The following PDE10A variants were observed in gnomAD, a reference collection of about 807,000 sequenced individuals.
The protein encoded by PDE10A is cAMP and cAMP-inhibited cGMP 3',5'-cyclic phosphodiesterase 10A.
Under a neutral mutation model 97.7 loss-of-function variants are expected in PDE10A, and 39 were observed. The observed-to-expected ratio is 0.40, with a 90% CI of 0.31 to 0.52. PDE10A has a LOEUF of 0.52. PDE10A is among the 20% of genes least tolerant of loss of function. PDE10A has a pLI of 0.56. For missense variants in PDE10A, 731 were observed against 1,047.8 expected, an observed-to-expected ratio of 0.70 and a Z score of 4.17; for synonymous variants, 371 against 376.8, an observed-to-expected ratio of 0.98 and a Z score of 0.18.
At chr6:165,468,585 T>C (rs1778800983) in intron 3 of PDE10A, among the ~76,000 whole-genome samples, 1 of 152,204 alleles carries the variant, frequency 6.6e-6, no homozygotes, top group South Asian at 2.1e-4. Context: ...TATGATTATA[T>C]GTAAGGTTTT....
At chr6:165,895,813 G>A (rs930524776) in intron 1 of PDE10A, among the ~76,000 whole-genome samples, 2 of 152,098 alleles carry the variant, frequency 1.3e-5, no homozygotes, top group African/African-American at 2.4e-5. Context: ...TTTCATTCCG[G>A]GCTCCCCAGT....
chr6:165,972,223 G>T (rs1219808889), intron 1 of PDE10A, among the ~76,000 whole-genome samples: 1 of 152,168 alleles, frequency 6.6e-6, no homozygotes, highest in Non-Finnish European at 1.5e-5. Flanking sequence ...TGTGGTAGAA[G>T]GTGGGGAACA....
At chr6:165,837,227 A>T (rs1344451201) in intron 1 of PDE10A, among the ~76,000 whole-genome samples, 3 of 152,216 alleles carry the variant, frequency 2.0e-5, no homozygotes, top group Non-Finnish European at 4.4e-5. Context: ...ACAAACTCCA[A>T]ATCAGGAAAT....
At chr6:165,552,334 T>C (rs1180200849) in intron 1 of PDE10A, among the ~76,000 whole-genome samples, 1 of 152,212 alleles carries the variant, frequency 6.6e-6, no homozygotes, top group Non-Finnish European at 1.5e-5. Flanking sequence ...GAAAGGCTGC[T>C]TGCAAGGTCA....
chr6:165,515,664 C>T (rs1416402633), intron 2 of PDE10A, among the ~76,000 whole-genome samples: 1 of 151,748 alleles, frequency 6.6e-6, no homozygotes, highest in Non-Finnish European at 1.5e-5. Flanking sequence ...GCTGGGACTA[C>T]AGGCATGCGC....
At chr6:165,525,329 T>C (rs1782372701) in intron 2 of PDE10A, among the ~76,000 whole-genome samples, 3 of 152,080 alleles carry the variant, frequency 2.0e-5, no homozygotes, top group Non-Finnish European at 4.4e-5. Flanking sequence ...AAGTAGGGAG[T>C]CTATTTTTAA....
chr6:165,968,203 T>A (rs1040741077), intron 1 of PDE10A, among the ~76,000 whole-genome samples: 4 of 152,202 alleles, frequency 2.6e-5, no homozygotes, highest in South Asian at 2.1e-4. Context: ...AGATGACTCA[T>A]CAAGAGGCAT....
intron 1 of PDE10A, among the ~76,000 whole-genome samples, chr6:165,580,744 A>G (rs903187079): frequency 6.6e-6 from 1 of 150,428 alleles, no homozygotes; most frequent in Non-Finnish European, 1.5e-5. Flanking sequence ...ATGAGAAGAC[A>G]AAGAAGATAG....
chr6:165,438,474 C>T (rs1037403571), intron 5 of PDE10A, among the ~76,000 whole-genome samples: 2 of 152,258 alleles, frequency 1.3e-5, no homozygotes, highest in African/African-American at 4.8e-5. Flanking sequence ...AGGCGTGAGC[C>T]ACTGTGCCTG....
In PDE10A at chr6:165,450,300, C is replaced by T. The variant is rs746621051; in HGVS notation, c.1086G>A (p.Leu362=). The change falls in exon 4 of 22, where the codon TTG becomes TTA. Residue 362 remains leucine (L), a synonymous_variant. Coordinates refer to ENST00000539869, the MANE Select transcript of PDE10A (RefSeq NM_001385079.1). ...GTAGCTGGTTGTCTCCTCCTGTGTC[C>T]AACCGTTGTTCTATATAGCTGTTTA... The part of the protein sequence containing the change: ...YELNSYIEQR[L]DTGGDNQLLL... 1.2e-6 allele frequency: 2 copies of T among 1,601,842 alleles called. No homozygotes were observed. Among genetic ancestry groups the T allele is most frequent in the Non-Finnish European group, 8.5e-7 (1 of 1,169,824 alleles).
chr6:165,477,377 T>A lies in PDE10A; in HGVS notation c.1023+4938A>T, dbSNP rs554792681. ...TCTCGCTTTTCTGTCTCCACAGCAC[T>A]CATTACCACTGAGCACGGTGCCTGT... is the stretch of plus-strand genomic sequence containing the variant. On this transcript the variant is annotated intron_variant, in intron 3 of 21. Transcript: ENST00000539869. 1.9e-4 allele frequency among the ~76,000 whole-genome samples: 29 copies of A among 152,320 alleles called. No individual in the cohort carries two copies. In the East Asian group the frequency reaches 5.6e-3, roughly 29 times the overall value.
intron 1 of PDE10A, among the ~76,000 whole-genome samples, chr6:165,898,584 T>A (rs1279337968): frequency 3.3e-5 from 5 of 152,088 alleles, no homozygotes; most frequent in African/African-American, 1.2e-4. Flanking sequence ...CCCTCAGCCT[T>A]GTGCCACAGC....
At chr6:165,889,246 T>C (rs928013755) in intron 1 of PDE10A, among the ~76,000 whole-genome samples, 4 of 152,194 alleles carry the variant, frequency 2.6e-5, no homozygotes, top group Non-Finnish European at 5.9e-5. Flanking sequence ...TGATGCTGCC[T>C]ATGGAGGAAT....
intron 1 of PDE10A, among the ~76,000 whole-genome samples, chr6:165,628,078 AT>A (rs1266379182): frequency 2.0e-5 from 3 of 152,240 alleles, no homozygotes; most frequent in African/African-American, 4.8e-5. Context: ...AATGATGAGA[AT>A]TTAAAAGATA....
chr6:165,912,418 G>T (rs1782488793), intron 1 of PDE10A, among the ~76,000 whole-genome samples: 1 of 152,184 alleles, frequency 6.6e-6, no homozygotes, highest in Non-Finnish European at 1.5e-5. Flanking sequence ...GTCTTGATGG[G>T]AGCGTTCTCA....
At chr6:165,550,297 A>G (rs570334767) in intron 1 of PDE10A, among the ~76,000 whole-genome samples, 1 of 152,334 alleles carries the variant, frequency 6.6e-6, no homozygotes, top group Non-Finnish European at 1.5e-5. Flanking sequence ...ATTCTAAGGT[A>G]TACGTAACCA....
At chr6:165,620,328 T>TG (rs780455010) in intron 1 of PDE10A, among the ~76,000 whole-genome samples, 6 of 151,858 alleles carry the variant, frequency 4.0e-5, no homozygotes, top group East Asian at 3.9e-4. Context: ...AAGGTGATGA[T>TG]GGGGGGGTAG....
At chr6:165,682,891 G>A (rs1265598045) in intron 1 of PDE10A, among the ~76,000 whole-genome samples, 1 of 152,154 alleles carries the variant, frequency 6.6e-6, no homozygotes, top group South Asian at 2.1e-4. Context: ...GCACCTTCAG[G>A]TCTGGGTTAG....
At chr6:165,696,534 G>A (rs1014883966) in intron 1 of PDE10A, among the ~76,000 whole-genome samples, 1 of 151,952 alleles carries the variant, frequency 6.6e-6, no homozygotes, top group Non-Finnish European at 1.5e-5. Flanking sequence ...GTAGTTTTAG[G>A]GATCCACTGG....
Sources: allele counts gnomAD v4.1 joint callset (sites outside exome capture counted in the v4.1 genomes callset), GRCh38; gene constraint gnomAD v4.1.1; transcripts MANE v1.5; gene names NCBI Gene and HGNC (gene_info 2026-07-23, HGNC 2026-07-21).